Variants in STARD8 observed in about 807,000 individuals in gnomAD.
STARD8 encodes the protein StAR related lipid transfer domain containing 8, also known as stAR-related lipid transfer protein 8.
STARD8 carries 25 observed loss-of-function variants against 69.4 expected under a neutral mutation model. That is an observed-to-expected ratio of 0.36 (90% CI 0.26 to 0.50). The LOEUF (loss-of-function observed/expected upper bound fraction) is 0.50. STARD8 is among the 20% of genes least tolerant of loss of function. The probability of loss-of-function intolerance (pLI) is 0.96; values close to 1 mark genes in which losing one functional copy is unlikely to be tolerated. For missense variants in STARD8, 921 were observed against 932.5 expected (o/e 0.99, Z 0.16); for synonymous variants, 389 against 374.6 (o/e 1.04, Z -0.45).
intron 2 of STARD8, among the ~76,000 whole-genome samples, chrX:68,668,935 A>G (rs1465182766): frequency 8.9e-6 from 1 of 112,069 alleles, no homozygotes; most frequent in African/African-American, 3.3e-5. Flanking sequence ...AATTAAATAT[A>G]TATCATGATG....
chrX:68,696,137 T>C (rs1184655536), intron 2 of STARD8, among the ~76,000 whole-genome samples: 1 of 112,683 alleles, frequency 8.9e-6, no homozygotes, highest in East Asian at 2.8e-4. Flanking sequence ...GTCATGGCCC[T>C]GGGCCTTGGG....
intron 5 of STARD8, among the ~76,000 whole-genome samples, 199 bp downstream of exon 5, chrX:68,716,630 T>G (rs931647589): frequency 4.5e-5 from 5 of 111,113 alleles, no homozygotes; most frequent in Non-Finnish European, 9.5e-5. Context: ...CTTGCTTTTT[T>G]TTTTCTGGGG....
At chrX:68,704,839 G>A (rs1045544295) in intron 2 of STARD8, among the ~76,000 whole-genome samples, 9 of 111,436 alleles carry the variant, frequency 8.1e-5, no homozygotes, top group Non-Finnish European at 1.5e-4. Flanking sequence ...TTTGGGGAAC[G>A]GCCATTAGGA....
chrX:68,653,305 AC>A (rs2079581755), intron 1 of STARD8, among the ~76,000 whole-genome samples: 2 of 26,877 alleles, frequency 7.4e-5, no homozygotes, highest in Non-Finnish European at 1.4e-4. Context: ...CCACACACAC[AC>A]CACACCACAC....
intron 1 of STARD8, among the ~76,000 whole-genome samples, chrX:68,648,165 C>T (rs1202664637): frequency 8.9e-6 from 1 of 112,338 alleles, no homozygotes; most frequent in East Asian, 2.8e-4. Flanking sequence ...TAAAACTCGC[C>T]TCTGTTGCTT....
At chrX:68,687,383 G>C (rs937380054) in intron 2 of STARD8, among the ~76,000 whole-genome samples, 1 of 111,867 alleles carries the variant, frequency 8.9e-6, no homozygotes, top group East Asian at 2.8e-4. Flanking sequence ...CTACTTCTGA[G>C]TAATTGTTAT....
chrX:68,660,611 G>T (rs185036703), intron 1 of STARD8, among the ~76,000 whole-genome samples: 1 of 112,491 alleles, frequency 8.9e-6, no homozygotes, highest in Non-Finnish European at 1.9e-5. Flanking sequence ...TCTCTGAACT[G>T]TGAGCTGCTC....
intron 1 of STARD8, among the ~76,000 whole-genome samples, chrX:68,652,581 C>T (rs901713897): frequency 9.0e-6 from 1 of 111,044 alleles, no homozygotes; most frequent in Non-Finnish European, 1.9e-5. Flanking sequence ...AGTCAGGGCC[C>T]GGAAGGCATC....
chrX:68,677,316 T>C (rs2079771618), intron 2 of STARD8, among the ~76,000 whole-genome samples: 1 of 111,576 alleles, frequency 9.0e-6, no homozygotes, highest in African/African-American at 3.3e-5. Flanking sequence ...CCTCTTCTCC[T>C]GTCTCACAGG....
chrX:68,657,976 G>A (rs764778055), intron 1 of STARD8, among the ~76,000 whole-genome samples: 3 of 110,608 alleles, frequency 2.7e-5, no homozygotes, highest in African/African-American at 9.9e-5. Flanking sequence ...AGGTCCCGGC[G>A]GGGTGGAGGA....
intron 1 of STARD8, among the ~76,000 whole-genome samples, chrX:68,648,383 G>A (rs1402800892): frequency 3.6e-5 from 4 of 111,470 alleles, no homozygotes; most frequent in Non-Finnish European, 5.7e-5. Flanking sequence ...ACAAACAATG[G>A]TATCTATTAT....
intron 1 of STARD8, among the ~76,000 whole-genome samples, chrX:68,653,114 CCACACACCA>C (rs2079573576): frequency 3.1e-5 from 1 of 31,861 alleles, no homozygotes; most frequent in African/African-American, 1.2e-4. Flanking sequence ...CACACACACA[CCACACACCA>C]CACACACACC....
chrX:68,672,620 TGTCA>T (rs1200415325), intron 2 of STARD8, among the ~76,000 whole-genome samples: 2 of 111,197 alleles, frequency 1.8e-5, no homozygotes, highest in Non-Finnish European at 3.8e-5. Flanking sequence ...AACAAACTGG[TGTCA>T]GAAGCAGAGC....
At position 68,722,431 on chromosome X, in the gene STARD8, G is replaced by T. The variant is rs1260080878; in HGVS notation, c.2584G>T (p.Asp862Tyr). The T allele has an allele frequency of 8.3e-7, 1 of 1,198,255 alleles. No homozygotes were observed. The highest frequency in any genetic ancestry group is 1.1e-6 in the Non-Finnish European group (1 of 889,718). The change falls in exon 12 of 15, where the codon GAC becomes TAC. Residue 862 changes from aspartate to tyrosine, a missense_variant. Coordinates refer to ENST00000374599, the MANE Select transcript of STARD8 (RefSeq NM_001142503.3). ...GTGTGTGCCCTCTCAGGTGCCCCAG[G>T]ACATGGTGCTGCAGCTGTGCAGCTC... is the stretch of plus-strand genomic sequence containing the variant. ...DCKKLFQVPQDMVLQLCSSYS... is the reference protein window; with the variant it reads ...DCKKLFQVPQYMVLQLCSSYS...
At chrX:68,717,131 A>G in intron 5 of STARD8, 81 bp from the exon 6 acceptor site, 1 of 1,086,321 alleles carries the variant, frequency 9.2e-7, no homozygotes, top group South Asian at 2.5e-5. Flanking sequence ...GTCCCCCAAG[A>G]GTTTGGAAGC....
Position 68,718,049 on chromosome X carries a change from G to T in STARD8, c.1135G>T (p.Glu379Ter). ...VGAEAEDEDD[E>*]ESGGSYAHLD... ...GGCTGAGGCTGAAGATGAAGATGAT[G>T]AGGAGAGTGGGGGCAGCTATGCTCA... is the stretch of plus-strand genomic sequence containing the variant. The change falls in exon 6 of 15, where the codon GAG (glutamate) becomes TAG (stop). Residue 379 changes from glutamate to a stop codon, truncating the protein, a stop_gained. Coordinates refer to ENST00000374599, the MANE Select transcript of STARD8 (RefSeq NM_001142503.3). LOFTEE classifies it high-confidence loss of function. 2 of 1,211,290 alleles carry T rather than the reference G, an allele frequency of 1.7e-6. No homozygotes were observed. The highest frequency in any genetic ancestry group is 3.5e-5 in the South Asian group (2 of 56,786).
intron 2 of STARD8, among the ~76,000 whole-genome samples, chrX:68,695,243 C>A (rs781568562): frequency 4.2e-4 from 47 of 110,835 alleles, no homozygotes; most frequent in African/African-American, 1.4e-3. Flanking sequence ...GGGTGGCTTT[C>A]GCAGTGGGAA....
Position 68,673,428 on chromosome X carries a change from T to C in STARD8, c.79+7896T>C, listed in dbSNP as rs144062318. On this transcript the variant is annotated intron_variant, in intron 2 of 14. Coordinates refer to ENST00000374599, the MANE Select transcript of STARD8 (RefSeq NM_001142503.3). ...AACTATTTCATCGTCCCAGATACGC[T>C]GCCATAAGTTTGCCTGGCTTTTTCC... Among the ~76,000 whole-genome samples, 692 of 112,092 alleles carry C rather than the reference T, an allele frequency of 6.2e-3. 6 individuals are homozygous for C. Among genetic ancestry groups the C allele is most frequent in the African/African-American group, 0.019 (590 of 30,842 alleles).
At chrX:68,710,993 G>A (rs1032064114) in intron 2 of STARD8, among the ~76,000 whole-genome samples, 3 of 112,050 alleles carry the variant, frequency 2.7e-5, no homozygotes, top group Admixed American at 1.9e-4. Context: ...GTTCCTCACA[G>A]GCTCCCTGGG....
Sources: gnomAD v4.1 joint callset for allele counts (sites outside exome capture counted in the v4.1 genomes callset) on GRCh38, gnomAD v4.1.1 for gene constraint, MANE v1.5 for transcripts, NCBI Gene and HGNC (gene_info 2026-07-23, HGNC 2026-07-21) for gene names.